Variants in MIA2 observed in about 807,000 individuals in gnomAD.
MIA2 encodes the protein melanoma inhibitory activity protein 2.
A neutral mutation model predicts 167.8 loss-of-function variants in MIA2; 127 were observed. The observed-to-expected ratio is 0.76, with a 90% CI of 0.66 to 0.88. The LOEUF is 0.88. Among genes scored for constraint, MIA2 ranks in the 40% least tolerant of loss-of-function variants. The probability of loss-of-function intolerance (pLI) is 0.00; values close to 1 mark genes in which losing one functional copy is unlikely to be tolerated. For missense variants in MIA2, 1,690 were observed against 1,624.7 expected, an observed-to-expected ratio of 1.04 and a Z score of -0.69; for synonymous variants, 552 against 541.9, an observed-to-expected ratio of 1.02 and a Z score of -0.26.
chr14:39,260,424 T>C (rs1340989552), intron 6 of MIA2, among the ~76,000 whole-genome samples: 2 of 152,194 alleles, frequency 1.3e-5, no homozygotes, highest in Non-Finnish European at 2.9e-5. Flanking sequence ...TGGTATCTCA[T>C]TGTGGTTTTG....
chr14:39,288,456 T>TTG (rs2060169620), intron 9 of MIA2, among the ~76,000 whole-genome samples: 1 of 14,356 alleles, frequency 7.0e-5, no homozygotes, highest in Non-Finnish European at 1.9e-4. Flanking sequence ...TATATATATA[T>TTG]ATATATATAT....
chr14:39,369,409 G>C (rs1283830880), intron 23 of MIA2, among the ~76,000 whole-genome samples: 1 of 152,184 alleles, frequency 6.6e-6, no homozygotes, highest in African/African-American at 2.4e-5. Context: ...CTACAATTAG[G>C]TATTCTATAT....
intron 25 of MIA2, among the ~76,000 whole-genome samples, chr14:39,333,752 G>A (rs1399353483): frequency 1.3e-5 from 2 of 152,014 alleles, no homozygotes; most frequent in East Asian, 1.9e-4. Flanking sequence ...TTTGCATATT[G>A]TCTGGAGTTT....
Position 39,384,500 on chromosome 14 carries a change from AT to A in MIA2, c.2249-2378del, listed in dbSNP as rs1056317194. ...AGGGTAATTTCGACTTTCAAGTCTT[AT>A]TTTTTTAATTTTTTTTTAAGTTCAA... On this transcript the variant is annotated intron_variant, in intron 23 of 23. Coordinates refer to the MIA2 transcript ENST00000341502. 2.6e-4 allele frequency among the ~76,000 whole-genome samples: 39 copies of A among 152,172 alleles called. 1 individual carries two copies. The highest frequency in any genetic ancestry group is 6.2e-4 in the South Asian group (3 of 4,820).
intron 25 of MIA2, among the ~76,000 whole-genome samples, chr14:39,345,155 T>C (rs912241116): frequency 1.1e-4 from 17 of 152,160 alleles, no homozygotes; most frequent in African/African-American, 4.1e-4. Context: ...CTCGGCTCAC[T>C]GCAACCTCTG....
intron 6 of MIA2, among the ~76,000 whole-genome samples, chr14:39,275,758 C>G (rs146384647): frequency 6.6e-6 from 1 of 151,820 alleles, no homozygotes; most frequent in African/African-American, 2.4e-5. Context: ...TTTTTTTTAT[C>G]ATTAATTGCT....
chr14:39,351,038 T>C (rs576802160), downstream of MIA2: 1 of 152,198 alleles, frequency 6.6e-6, no homozygotes, highest in Admixed American at 6.5e-5. Context: ...ACAGGATAAC[T>C]GTAGTGAATG....
downstream of MIA2, chr14:39,351,249 A>C (rs1259236455): frequency 1.3e-5 from 2 of 152,036 alleles, no homozygotes; most frequent in African/African-American, 4.8e-5. Context: ...CAAAAGATAG[A>C]AGATTAAATA....
chr14:39,286,123 A>C (rs370380264), intron 9 of MIA2, among the ~76,000 whole-genome samples: 1 of 152,074 alleles, frequency 6.6e-6, no homozygotes, highest in Non-Finnish European at 1.5e-5. Flanking sequence ...TAGCTAGCCG[A>C]GATCACACCA....
chr14:39,328,445 G>T (rs1181672985), intron 25 of MIA2, among the ~76,000 whole-genome samples: 2 of 152,124 alleles, frequency 1.3e-5, no homozygotes, highest in Non-Finnish European at 2.9e-5. Flanking sequence ...AGTTTCTTTT[G>T]CTGTGCAGAA....
At chr14:39,344,679 AG>A (rs1027721494) in intron 25 of MIA2, among the ~76,000 whole-genome samples, 11 of 152,172 alleles carry the variant, frequency 7.2e-5, no homozygotes, top group African/African-American at 2.4e-4. Flanking sequence ...AGTCAATTAG[AG>A]GCAATTTGGG....
At chr14:39,284,413 T>C (rs1480492059) in intron 9 of MIA2, among the ~76,000 whole-genome samples, 1 of 152,212 alleles carries the variant, frequency 6.6e-6, no homozygotes, top group Non-Finnish European at 1.5e-5. Flanking sequence ...GTCTGTGTAT[T>C]TGTTTTTATA....
chr14:39,294,694 A>G (rs1477403769), intron 12 of MIA2, among the ~76,000 whole-genome samples: 2 of 152,164 alleles, frequency 1.3e-5, no homozygotes, highest in Non-Finnish European at 2.9e-5. Context: ...TGCACAGTAC[A>G]TAGAAAGTTA....
Position 39,246,915 on chromosome 14 carries a change from C to T in MIA2, c.341C>T (p.Ser114Phe). The change falls in exon 4 of 29, where the codon TCT becomes TTT. Residue 114 changes from serine (S) to phenylalanine (F), a missense_variant. Ser to Phe is a radical substitution (Grantham distance 155). Transcript: ENST00000640607. Reference sequence around the variant, plus strand: ...ATATATATTTTTTCCTTTTAGGAATCTGACTTTCTTTGTCTTCTTGGAGTA... The same window carrying T: ...ATATATATTTTTTCCTTTTAGGAATTTGACTTTCTTTGTCTTCTTGGAGTA... ...SEEIQMSTKE[S>F]DFLCLLGVSY... The T allele has an allele frequency of 2.0e-6, 3 of 1,499,134 alleles. No individual in the cohort carries two copies. The highest frequency in any genetic ancestry group is 2.7e-6 in the Non-Finnish European group (3 of 1,124,706). The allele number at this position is 1,499,134 out of a possible 1,614,324, so 92.9% of individuals were successfully genotyped here. A position where few individuals can be genotyped will look rare whatever the true frequency, so the allele number is the denominator to read the frequency against.
chr14:39,320,140 A>G (rs1821613212), intron 23 of MIA2, among the ~76,000 whole-genome samples: 1 of 139,816 alleles, frequency 7.2e-6, no homozygotes, highest in African/African-American at 2.7e-5. Flanking sequence ...AATTTCAAGA[A>G]GGGTAACTAA....
At chr14:39,346,699 AT>A (rs1175263314) in intron 26 of MIA2, among the ~76,000 whole-genome samples, 1 of 148,620 alleles carries the variant, frequency 6.7e-6, no homozygotes, top group Non-Finnish European at 1.5e-5. Flanking sequence ...TATATATATA[AT>A]TTTAAAAATA....
At chr14:39,267,938 G>A (rs1010246065) in intron 6 of MIA2, among the ~76,000 whole-genome samples, 10 of 151,446 alleles carry the variant, frequency 6.6e-5, no homozygotes, top group African/African-American at 2.4e-4. Flanking sequence ...AACCTTGAAA[G>A]AACACCTGAG....
intron 9 of MIA2, among the ~76,000 whole-genome samples, chr14:39,288,507 C>T (rs551467794): frequency 2.4e-4 from 25 of 105,226 alleles, no homozygotes; most frequent in African/African-American, 8.5e-4. Context: ...CGGAGTCTGG[C>T]GCTGTCACCC....
intron 17 of MIA2, among the ~76,000 whole-genome samples, chr14:39,306,978 T>G (rs1240436152): frequency 1.3e-5 from 2 of 152,194 alleles, no homozygotes; most frequent in East Asian, 3.8e-4. Flanking sequence ...CATTTTTATT[T>G]TATAGATTTT....
Sources: gnomAD v4.1 joint callset for allele counts (sites outside exome capture counted in the v4.1 genomes callset) on GRCh38, gnomAD v4.1.1 for gene constraint, MANE v1.5 for transcripts, NCBI Gene and HGNC (gene_info 2026-07-23, HGNC 2026-07-21) for gene names.